Variants in OR1J2 observed in about 807,000 individuals in gnomAD.
OR1J2 encodes the protein olfactory receptor 1J2.
For synonymous variants in OR1J2, 142 were observed against 99.7 expected (o/e 1.42, Z -2.52); for missense variants, 304 against 246.1 (o/e 1.24, Z -1.57).
the OR1J2 span, among the ~76,000 whole-genome samples, chr9:122,530,050 G>A: frequency 6.6e-6 from 1 of 152,328 alleles, no homozygotes; most frequent in East Asian, 1.9e-4. Context: ...GGAAGCAGAA[G>A]TCAGGTTGAT....
At chr9:122,477,971 A>G in the OR1J2 span, 3 of 1,366,772 alleles carry the variant, frequency 2.2e-6, no homozygotes, top group East Asian at 6.9e-5. Flanking sequence ...AAGGAAAAAA[A>G]TGGTATGTCT....
At chr9:122,510,612 C>A (rs78257529), upstream of OR1J2, among the ~76,000 whole-genome samples, 1,649 of 152,082 alleles carry the variant, frequency 0.011, 31 homozygotes, top group African/African-American at 0.037. Context: ...GGCATTAAGC[C>A]CAGAATGCAT....
At chr9:122,471,150 C>T in the OR1J2 span, among the ~76,000 whole-genome samples, 1 of 152,098 alleles carries the variant, frequency 6.6e-6, no homozygotes, top group Admixed American at 6.5e-5. Flanking sequence ...TGGTTTGGCT[C>T]TGTGTCCCCA....
At chr9:122,515,352 TTGTGTG>T (rs10651846), downstream of OR1J2, among the ~76,000 whole-genome samples, 53 of 135,814 alleles carry the variant, frequency 3.9e-4, no homozygotes, top group East Asian at 5.7e-3. Flanking sequence ...CAGGAGCAGG[TTGTGTG>T]TGTGTGTGTG....
chr9:122,546,759 T>C, the OR1J2 span, among the ~76,000 whole-genome samples: 6 of 152,162 alleles, frequency 3.9e-5, no homozygotes, highest in Middle Eastern at 3.2e-3. Flanking sequence ...GTAAGAATAA[T>C]GGAAGAATAA....
At chr9:122,549,485 A>T in the OR1J2 span, among the ~76,000 whole-genome samples, 1 of 152,204 alleles carries the variant, frequency 6.6e-6, no homozygotes, top group South Asian at 2.1e-4. Context: ...TAGGATTTGT[A>T]TAGTTTCAGG....
the OR1J2 span, among the ~76,000 whole-genome samples, chr9:122,552,057 A>ACT: frequency 4.2e-4 from 60 of 144,168 alleles, no homozygotes; most frequent in South Asian, 8.6e-4. Flanking sequence ...ACACACATAC[A>ACT]CTCTCTCTCT....
the OR1J2 span, among the ~76,000 whole-genome samples, chr9:122,539,344 T>A: frequency 2.6e-5 from 4 of 151,434 alleles, no homozygotes; most frequent in African/African-American, 9.7e-5. Context: ...AATTCCCACC[T>A]ATGAGTGAGA....
At chr9:122,553,536 A>G in the OR1J2 span, 15 of 1,613,704 alleles carry the variant, frequency 9.3e-6, no homozygotes, top group African/African-American at 1.3e-5. Context: ...TTTCCTCCTT[A>G]TGTTTGGTGG....
At chr9:122,553,478 T>C in the OR1J2 span, 1 of 1,614,072 alleles carries the variant, frequency 6.2e-7, no homozygotes, top group East Asian at 2.2e-5. Flanking sequence ...CCAACATTCA[T>C]ACCCAGAGTC....
the OR1J2 span, chr9:122,519,426 G>A: frequency 6.2e-7 from 1 of 1,614,156 alleles, no homozygotes; most frequent in East Asian, 2.2e-5. Flanking sequence ...TCTTTATGCA[G>A]GGTGTGTAAC....
the OR1J2 span, among the ~76,000 whole-genome samples, chr9:122,490,835 G>A: frequency 6.6e-6 from 1 of 152,190 alleles, no homozygotes; most frequent in Non-Finnish European, 1.5e-5. Context: ...AGCCATGGAA[G>A]GACTTGATCA....
At chr9:122,533,765 A>G in the OR1J2 span, among the ~76,000 whole-genome samples, 2 of 152,290 alleles carry the variant, frequency 1.3e-5, no homozygotes, top group East Asian at 1.9e-4. Context: ...GCCCTTGAAA[A>G]GAAGGTAATG....
At chr9:122,495,326 C>T in the OR1J2 span, among the ~76,000 whole-genome samples, 1 of 152,086 alleles carries the variant, frequency 6.6e-6, no homozygotes, top group Non-Finnish European at 1.5e-5. Context: ...ACCAATTATT[C>T]TTAGGTTTGG....
the OR1J2 span, chr9:122,519,101 T>C: frequency 7.1e-7 from 1 of 1,411,626 alleles, no homozygotes; most frequent in Admixed American, 2.0e-5. Context: ...TCTGCCTTTT[T>C]CAATGTCCCT....
At chr9:122,577,342 C>T in the OR1J2 span, among the ~76,000 whole-genome samples, 1 of 152,086 alleles carries the variant, frequency 6.6e-6, no homozygotes, top group Non-Finnish European at 1.5e-5. Flanking sequence ...AATTTAAGGG[C>T]TTACAATAAC....
chr9:122,529,292 G>C, the OR1J2 span, among the ~76,000 whole-genome samples: 1 of 152,198 alleles, frequency 6.6e-6, no homozygotes, highest in Non-Finnish European at 1.5e-5. Flanking sequence ...ATCAAAAGAA[G>C]GGCTACACAG....
chr9:122,523,853 A>G, the OR1J2 span, among the ~76,000 whole-genome samples: 2 of 152,184 alleles, frequency 1.3e-5, no homozygotes, highest in African/African-American at 4.8e-5. Context: ...GGCACTGGGA[A>G]GCTTTCTATC....
the OR1J2 span, among the ~76,000 whole-genome samples, chr9:122,447,852 C>T: frequency 2.6e-5 from 4 of 152,136 alleles, no homozygotes; most frequent in South Asian, 4.1e-4. Flanking sequence ...TAAAAATAGT[C>T]GAGGCTGAGT....
Sources: gnomAD v4.1 joint callset for allele counts (sites outside exome capture counted in the v4.1 genomes callset) on GRCh38, gnomAD v4.1.1 for gene constraint, MANE v1.5 for transcripts, NCBI Gene and HGNC (gene_info 2026-07-23, HGNC 2026-07-21) for gene names.